STPG2: variants seen among roughly 807,000 people sequenced by gnomAD.
The protein encoded by STPG2 is sperm-tail PG-rich repeat-containing protein 2.
Under a neutral mutation model 54.2 loss-of-function variants are expected in STPG2, and 56 were observed. The observed-to-expected ratio is 1.03, with a 90% CI of 0.83 to 1.29. The LOEUF is 1.29. Ranked by LOEUF, STPG2 falls within the 50% of genes most tolerant of loss-of-function variation. STPG2 has a pLI of 0.00. For synonymous variants in STPG2, 200 were observed against 181.8 expected, an observed-to-expected ratio of 1.10 and a Z score of -0.81; for missense variants, 596 against 544.9, an observed-to-expected ratio of 1.09 and a Z score of -0.93.
chr4:97,796,980 G>A (rs1727206325), intron 9 of STPG2, among the ~76,000 whole-genome samples: 6 of 151,950 alleles, frequency 3.9e-5, no homozygotes, highest in Admixed American at 3.9e-4. Context: ...GTTCACTCAT[G>A]ATTTGGCTCT....
intron 9 of STPG2, among the ~76,000 whole-genome samples, chr4:97,733,146 A>G (rs1389961108): frequency 1.3e-5 from 2 of 152,338 alleles, no homozygotes; most frequent in South Asian, 2.1e-4. Flanking sequence ...ATGTATATTT[A>G]TAGCCACATA....
chr4:97,753,982 G>T (rs1725657387), intron 9 of STPG2, among the ~76,000 whole-genome samples: 1 of 151,872 alleles, frequency 6.6e-6, no homozygotes, highest in African/African-American at 2.4e-5. Flanking sequence ...TTTAATGAAG[G>T]TCATTTATCA....
intron 8 of STPG2, among the ~76,000 whole-genome samples, chr4:97,940,295 T>G (rs1235576090): frequency 6.6e-6 from 1 of 152,188 alleles, no homozygotes; most frequent in Non-Finnish European, 1.5e-5. Context: ...TCTTCTTGTG[T>G]AGCATCTTGC....
rs572787486 is a variant in STPG2 at position 98,046,555 on chromosome 4, G to A, written c.612+59398C>T. Among the ~76,000 whole-genome samples, 44 of 152,144 alleles carry A rather than the reference G, an allele frequency of 2.9e-4. No homozygotes were observed. In the South Asian group the frequency reaches 8.1e-3, roughly 28 times the overall value. On this transcript the variant is annotated intron_variant, in intron 5 of 10. Transcript: ENST00000295268. ...CCAAAATCTCATCTTTGCTCTTACCGTCCCCCAGGAGATTAGGGTGTGCCA... is the reference window on the plus strand; with the variant it reads ...CCAAAATCTCATCTTTGCTCTTACCATCCCCCAGGAGATTAGGGTGTGCCA...
chr4:97,969,317 T>G (rs531038595), intron 7 of STPG2, among the ~76,000 whole-genome samples: 66 of 152,376 alleles, frequency 4.3e-4, no homozygotes, highest in Admixed American at 1.8e-3. Context: ...TATTTCTGTA[T>G]GCTGTACTTC....
At position 97,999,638 on chromosome 4, in the gene STPG2, G is replaced by A. The variant is rs370363640; in HGVS notation, c.613-18320C>T. Among the ~76,000 whole-genome samples the A allele has an allele frequency of 4.6e-5, 7 of 152,120 alleles. No individual in the cohort carries two copies. In the East Asian group the frequency reaches 1.4e-3, roughly 29 times the overall value. ...CGCTTGAACCCAGGAGGCAGAGGTG[G>A]CAGTGAGCTGAGATCATGCCACTAC... On this transcript the variant is annotated intron_variant, in intron 5 of 10. Transcript: ENST00000295268.
chr4:97,659,879 T>C (rs1248280531), intron 10 of STPG2, among the ~76,000 whole-genome samples: 1 of 152,234 alleles, frequency 6.6e-6, no homozygotes, highest in East Asian at 1.9e-4. Context: ...TCTGTGAACT[T>C]GGGACAGAGT....
chr4:97,532,511 A>G (rs1008631595), intron 4 of STPG2, among the ~76,000 whole-genome samples: 2 of 152,186 alleles, frequency 1.3e-5, no homozygotes, highest in African/African-American at 4.8e-5. Flanking sequence ...ATGAATTGCA[A>G]TGTCATCAGA....
intron 10 of STPG2, among the ~76,000 whole-genome samples, chr4:97,565,519 A>G (rs559158345): frequency 1.2e-3 from 178 of 152,260 alleles, no homozygotes; most frequent in Non-Finnish European, 2.1e-3. Context: ...TCTGCTTTTT[A>G]GAGTTTCCAG....
At chr4:97,731,035 G>A (rs1724778849) in intron 9 of STPG2, among the ~76,000 whole-genome samples, 1 of 152,122 alleles carries the variant, frequency 6.6e-6, no homozygotes, top group Admixed American at 6.5e-5. Context: ...AACCATTGCT[G>A]GGAGCCAGTG....
chr4:97,670,946 T>C (rs1722677286), intron 10 of STPG2, among the ~76,000 whole-genome samples: 1 of 152,152 alleles, frequency 6.6e-6, no homozygotes, highest in Non-Finnish European at 1.5e-5. Flanking sequence ...ATCTTGTTCT[T>C]CTCTGGAAAA....
At chr4:97,829,189 A>T (rs1728360696) in intron 9 of STPG2, among the ~76,000 whole-genome samples, 1 of 152,144 alleles carries the variant, frequency 6.6e-6, no homozygotes, top group African/African-American at 2.4e-5. Flanking sequence ...AGGCGGCAAT[A>T]TCTTTGCTGT....
chr4:97,530,267 A>G (rs1373480166), intron 4 of STPG2, among the ~76,000 whole-genome samples: 1 of 152,168 alleles, frequency 6.6e-6, no homozygotes, highest in Non-Finnish European at 1.5e-5. Flanking sequence ...TTTCAGAAAT[A>G]AGTGATTATT....
intron 8 of STPG2, among the ~76,000 whole-genome samples, chr4:97,888,737 A>T (rs1375675262): frequency 6.6e-6 from 1 of 152,032 alleles, no homozygotes; most frequent in African/African-American, 2.4e-5. Context: ...AGAACATGAG[A>T]CTTGGGAGGG....
At chr4:97,518,295 A>G (rs1188196525) in intron 4 of STPG2, among the ~76,000 whole-genome samples, 1 of 152,118 alleles carries the variant, frequency 6.6e-6, no homozygotes, top group African/African-American at 2.4e-5. Flanking sequence ...AATAATTAAG[A>G]AACTATAAAA....
At chr4:97,519,899 C>T (rs1214372852) in intron 4 of STPG2, among the ~76,000 whole-genome samples, 1 of 151,982 alleles carries the variant, frequency 6.6e-6, no homozygotes, top group Admixed American at 6.6e-5. Flanking sequence ...GGATCAGGCT[C>T]TTGAGTCGAA....
intron 9 of STPG2, among the ~76,000 whole-genome samples, chr4:97,779,223 A>T (rs1210083468): frequency 6.6e-6 from 1 of 152,204 alleles, no homozygotes; most frequent in African/African-American, 2.4e-5. Context: ...TAACCAGTGT[A>T]GAGAAGTCCT....
chr4:97,907,520 T>G (rs1239066951), intron 8 of STPG2, among the ~76,000 whole-genome samples: 1 of 151,986 alleles, frequency 6.6e-6, no homozygotes, highest in Non-Finnish European at 1.5e-5. Context: ...AAAACTACTT[T>G]AAAGTTCATA....
intron 5 of STPG2, among the ~76,000 whole-genome samples, chr4:98,082,433 C>CTTTTTT (rs70955915): frequency 2.8e-5 from 2 of 71,402 alleles, no homozygotes; most frequent in Non-Finnish European, 5.5e-5. Context: ...TGCAGGTCCA[C>CTTTTTT]TTTTTTTTTT....
Sources: gnomAD v4.1 joint callset for allele counts (sites outside exome capture counted in the v4.1 genomes callset) on GRCh38, gnomAD v4.1.1 for gene constraint, MANE v1.5 for transcripts, NCBI Gene and HGNC (gene_info 2026-07-23, HGNC 2026-07-21) for gene names.